Variants in INSYN2B observed in about 807,000 individuals in gnomAD.
INSYN2B encodes the protein protein INSYN2B.
In INSYN2B, 16 loss-of-function variants were observed where a neutral mutation model predicts 41.2. The ratio of observed to expected loss-of-function variants is 0.39; its 90% confidence interval spans 0.26 to 0.59. INSYN2B has a LOEUF of 0.59. INSYN2B is among the 20% of genes least tolerant of loss of function. The pLI, the probability that INSYN2B is intolerant of heterozygous loss-of-function variation, is 0.57. For synonymous variants in INSYN2B, 245 were observed against 244.4 expected (o/e 1.00, Z -0.02); for missense variants, 608 against 646.4 (o/e 0.94, Z 0.64).
chr5:169,873,170 G>A (rs769667922), intron 3 of INSYN2B, among the ~76,000 whole-genome samples: 13 of 152,164 alleles, frequency 8.5e-5, no homozygotes, highest in Middle Eastern at 3.2e-3. Flanking sequence ...CAGATAAATT[G>A]CTGATGCTGT....
intron 1 of INSYN2B, among the ~76,000 whole-genome samples, chr5:169,906,515 A>G (rs1001040209): frequency 2.0e-5 from 3 of 152,140 alleles, no homozygotes; most frequent in Non-Finnish European, 2.9e-5. Context: ...TTTTATTTGT[A>G]GAGACAGGGT....
chr5:169,931,812 A>G (rs955120823), intron 1 of INSYN2B, among the ~76,000 whole-genome samples: 1 of 152,236 alleles, frequency 6.6e-6, no homozygotes, highest in Non-Finnish European at 1.5e-5. Flanking sequence ...AGCCCCAGAA[A>G]TAACAGGAAT....
At chr5:169,874,658 C>A (rs774459927) in intron 3 of INSYN2B, among the ~76,000 whole-genome samples, 5 of 152,080 alleles carry the variant, frequency 3.3e-5, no homozygotes, top group Non-Finnish European at 2.9e-5. Flanking sequence ...CCGTTCTTAG[C>A]GTTTGGTCCC....
At chr5:169,909,403 T>C (rs984802399) in intron 1 of INSYN2B, among the ~76,000 whole-genome samples, 1 of 152,202 alleles carries the variant, frequency 6.6e-6, no homozygotes, top group Non-Finnish European at 1.5e-5. Flanking sequence ...TTCAGAAAGA[T>C]GCTATCCAAT....
chr5:169,963,739 T>C (rs1331161794), intron 1 of INSYN2B, among the ~76,000 whole-genome samples: 1 of 152,106 alleles, frequency 6.6e-6, no homozygotes, highest in East Asian at 1.9e-4. Context: ...GCAGCATTTT[T>C]CCCTCTTCCT....
At chr5:169,900,571 A>G (rs1042004636) in intron 1 of INSYN2B, among the ~76,000 whole-genome samples, 3 of 152,204 alleles carry the variant, frequency 2.0e-5, no homozygotes, top group Admixed American at 6.5e-5. Context: ...AAGCAAACCT[A>G]AATGTCGAGT....
At chr5:169,957,221 A>T (rs1375195974) in intron 1 of INSYN2B, among the ~76,000 whole-genome samples, 1 of 152,252 alleles carries the variant, frequency 6.6e-6, no homozygotes. Context: ...GAATTAATTA[A>T]AATGGACACA....
chr5:169,878,413 A>G (rs1772451545), intron 3 of INSYN2B, among the ~76,000 whole-genome samples: 1 of 152,248 alleles, frequency 6.6e-6, no homozygotes, highest in Non-Finnish European at 1.5e-5. Context: ...GCAGACCTGC[A>G]TCAATTACAA....
Position 169,884,130 on chromosome 5 carries a change from G to T in INSYN2B, c.-232C>A. On this transcript the variant is annotated 5_prime_UTR_variant, in exon 2 of 4. Transcript: ENST00000377365. ...GCAGTTAAAATATTAATTCATTGTA[G>T]TCATAATTGCTCCTTGGAAAAACAA... The T allele has an allele frequency of 2.6e-6, 1 of 382,878 alleles. No individual in the cohort carries two copies. Among genetic ancestry groups the T allele is most frequent in the East Asian group, 3.8e-5 (1 of 26,268 alleles). 23.7% of individuals were successfully genotyped at this position (382,878 alleles called of 1,614,324 possible).
intron 1 of INSYN2B, among the ~76,000 whole-genome samples, chr5:169,923,495 AC>A (rs1775285253): frequency 6.6e-6 from 1 of 152,064 alleles, no homozygotes; most frequent in Non-Finnish European, 1.5e-5. Context: ...ACACACACAC[AC>A]ACACACACAC....
chr5:169,904,462 C>T (rs1045860041), intron 1 of INSYN2B, among the ~76,000 whole-genome samples: 12 of 152,102 alleles, frequency 7.9e-5, no homozygotes, highest in Admixed American at 3.3e-4. Flanking sequence ...TGGGCAGCTT[C>T]CCTTTAATGG....
intron 3 of INSYN2B, among the ~76,000 whole-genome samples, chr5:169,870,905 C>T (rs1184520401): frequency 2.6e-5 from 4 of 152,060 alleles, no homozygotes; most frequent in Non-Finnish European, 4.4e-5. Context: ...GTGGCTTATA[C>T]ATACATACAT....
At chr5:169,920,742 T>C (rs1399718955) in intron 1 of INSYN2B, among the ~76,000 whole-genome samples, 10 of 152,194 alleles carry the variant, frequency 6.6e-5, no homozygotes, top group Non-Finnish European at 1.5e-4. Flanking sequence ...ATTTAATTTA[T>C]AGCTGGAACT....
chr5:169,914,813 G>A (rs548438999), intron 1 of INSYN2B, among the ~76,000 whole-genome samples: 1 of 152,200 alleles, frequency 6.6e-6, no homozygotes. Flanking sequence ...TCATGTACAT[G>A]ATCTGTTGAC....
At chr5:169,890,248 A>C (rs1773206654) in intron 1 of INSYN2B, among the ~76,000 whole-genome samples, 1 of 152,156 alleles carries the variant, frequency 6.6e-6, no homozygotes, top group Non-Finnish European at 1.5e-5. Context: ...ATGCATTTCT[A>C]AAGTGTAGGG....
chr5:169,903,916 A>G (rs956213961), intron 1 of INSYN2B, among the ~76,000 whole-genome samples: 3 of 152,144 alleles, frequency 2.0e-5, no homozygotes, highest in East Asian at 1.9e-4. Context: ...CCTGGCCAAC[A>G]TGGCGAAGCT....
intron 3 of INSYN2B, among the ~76,000 whole-genome samples, chr5:169,872,065 T>C (rs1267123863): frequency 6.6e-6 from 1 of 152,184 alleles, no homozygotes; most frequent in Non-Finnish European, 1.5e-5. Context: ...AACTACACTC[T>C]AAGCAAGTTG....
rs1009613524 is a variant in INSYN2B, at chr5:169,864,317, G to A, written c.1564C>T (p.Arg522Trp). ...PPAPEKQDLR[R>W]KTKKVKKKCF... ...TTCTTTTTCACCTTCTTGGTTTTCC[G>A]CCTTAAGTCCTGCTTTTCCGGGGCT... is the stretch of plus-strand genomic sequence containing the variant. The change falls in exon 4 of 4, where the codon CGG (arginine) becomes TGG (tryptophan). Residue 522 changes from arginine to tryptophan, a missense_variant. By Grantham distance (101) the Arg-to-Trp change is moderately radical. Transcript: ENST00000377365. 108 of 1,551,450 alleles carry A rather than the reference G, an allele frequency of 7.0e-5. No homozygotes were observed. Among genetic ancestry groups the A allele is most frequent in the Non-Finnish European group, 8.2e-5 (94 of 1,146,958 alleles).
At chr5:169,902,063 A>C (rs570574015) in intron 1 of INSYN2B, among the ~76,000 whole-genome samples, 3 of 152,216 alleles carry the variant, frequency 2.0e-5, no homozygotes, top group Admixed American at 2.0e-4. Flanking sequence ...CTGTGTGCCA[A>C]GGAAACCACA....
Sources: gnomAD v4.1 joint callset for allele counts (sites outside exome capture counted in the v4.1 genomes callset) on GRCh38, gnomAD v4.1.1 for gene constraint, MANE v1.5 for transcripts, NCBI Gene and HGNC (gene_info 2026-07-23, HGNC 2026-07-21) for gene names.